Variants in TBC1D2 observed in about 807,000 individuals in gnomAD.
TBC1D2 encodes TBC1 domain family member 2.
In TBC1D2, 58 loss-of-function variants were observed where a neutral mutation model predicts 91.1. The observed-to-expected ratio is 0.64, with a 90% CI of 0.52 to 0.79. The LOEUF is 0.79. TBC1D2 is among the 30% of genes least tolerant of loss of function. TBC1D2 has a pLI of 0.00. For missense variants in TBC1D2, 1,080 were observed against 1,208.3 expected (o/e 0.89, Z 1.57); for synonymous variants, 482 against 511.5 (o/e 0.94, Z 0.78).
rs201501022 is a variant in TBC1D2, at chr9:98,203,403, G to A, written c.2156C>T (p.Ala719Val). 51 of 1,614,080 alleles carry A rather than the reference G, an allele frequency of 3.2e-5. No homozygotes were observed. Among genetic ancestry groups the A allele is most frequent in the East Asian group, 8.9e-5 (4 of 44,886 alleles). ...CTCTAGGACCAGCAGGGCAATGGCC[G>A]CCAGCCTGGAGTAGTAGGGAAGGCC... ...IGYCQGLNRL[A>V]AIALLVLEEE... The change falls in exon 10 of 13, where the codon GCG becomes GTG. Residue 719 changes from alanine (A) to valine (V), a missense_variant. By Grantham distance (64) the Ala-to-Val change is moderately conservative (BLOSUM62 0). Transcript: ENST00000465784.
chr9:98,211,210 T>C lies in TBC1D2; in HGVS notation c.1486-367A>G, dbSNP rs191003592. Among the ~76,000 whole-genome samples the C allele has an allele frequency of 1.2e-4, 19 of 152,312 alleles. No homozygotes were observed. In the East Asian group the frequency reaches 3.3e-3, roughly 26 times the overall value. ...AACTTCTTCATCTGTAAAATGAGGA[T>C]CATACAGAGTCTGCCTGAGGATTTG... On this transcript the variant is annotated intron_variant, in intron 7 of 12. Transcript: ENST00000465784.
In TBC1D2 at chr9:98,255,062, G is replaced by C; in HGVS notation, c.369+111C>G. On this transcript the variant is annotated intron_variant, in intron 1 of 12. Transcript: ENST00000465784. ...AAAGCACAAAGTTCTTGGAACTGTCGTCACCGACACTCCAAATTTACTGTG... is the reference window on the plus strand; with the variant it reads ...AAAGCACAAAGTTCTTGGAACTGTCCTCACCGACACTCCAAATTTACTGTG... 10 of 1,478,530 alleles carry C rather than the reference G, an allele frequency of 6.8e-6. No homozygotes were observed. The South Asian group carries it at 1.4e-4, about 21-fold the overall frequency. 91.6% of individuals were successfully genotyped at this position (1,478,530 alleles called of 1,614,324 possible).
intron 12 of TBC1D2, 88 bp from the exon 13 acceptor site, chr9:98,199,676 C>T: frequency 7.0e-7 from 1 of 1,425,808 alleles, no homozygotes. Context: ...CCCCGCATTC[C>T]TTCTGCCTTT....
chr9:98,238,680 C>T (rs1445810963), intron 3 of TBC1D2, among the ~76,000 whole-genome samples: 1 of 137,014 alleles, frequency 7.3e-6, no homozygotes, highest in East Asian at 1.9e-4. Flanking sequence ...GTTAGCTTTG[C>T]ATTTTTCATT....
At position 98,220,179 on chromosome 9, in the gene TBC1D2, C is replaced by T. The variant is rs192789287; in HGVS notation, c.1374+654G>A. 2.1e-3 allele frequency among the ~76,000 whole-genome samples: 327 copies of T among 152,312 alleles called. 1 individual carries two copies. The highest frequency in any genetic ancestry group is 3.4e-3 in the Non-Finnish European group (233 of 68,028). ...ACCGCAGACATGAGCTCCAGCCCAG[C>T]TCCAGCTCCTCCACTTCTTCAGCAC... On this transcript the variant is annotated intron_variant, in intron 6 of 12. Transcript: ENST00000465784.
intron 2 of TBC1D2, among the ~76,000 whole-genome samples, chr9:98,248,480 A>T (rs1385465909): frequency 1.3e-5 from 2 of 152,234 alleles, no homozygotes; most frequent in African/African-American, 4.8e-5. Context: ...AGACAAAAAA[A>T]GGGCCTGACC....
intron 9 of TBC1D2, among the ~76,000 whole-genome samples, chr9:98,204,018 T>C (rs570595701): frequency 6.6e-6 from 1 of 152,220 alleles, no homozygotes; most frequent in South Asian, 2.1e-4. Context: ...TAGCTTTTTT[T>C]CTCCTTTACT....
At chr9:98,227,221 C>T (rs747000734) in intron 5 of TBC1D2, among the ~76,000 whole-genome samples, 1 of 152,170 alleles carries the variant, frequency 6.6e-6, no homozygotes, top group African/African-American at 2.4e-5. Flanking sequence ...GGGGACCTCA[C>T]GTGTTATAAC....
At chr9:98,230,608 G>A (rs1212125686) in intron 4 of TBC1D2, among the ~76,000 whole-genome samples, 1 of 152,154 alleles carries the variant, frequency 6.6e-6, no homozygotes, top group Non-Finnish European at 1.5e-5. Flanking sequence ...ACTCCAGTAG[G>A]TGACAGGAAC....
intron 1 of TBC1D2, among the ~76,000 whole-genome samples, chr9:98,254,715 G>A (rs1294639876): frequency 6.6e-6 from 1 of 152,174 alleles, no homozygotes. Flanking sequence ...AGCATTCACT[G>A]ACCTTGGCCA....
At chr9:98,215,337 C>A (rs1828944723) in intron 6 of TBC1D2, among the ~76,000 whole-genome samples, 1 of 152,176 alleles carries the variant, frequency 6.6e-6, no homozygotes, top group South Asian at 2.1e-4. Context: ...CCGGCATCAC[C>A]CCCATCACCA....
chr9:98,201,773 T>C (rs1322466751), intron 10 of TBC1D2, 109 bp from the exon 11 acceptor site: 11 of 1,179,262 alleles, frequency 9.3e-6, no homozygotes, highest in Non-Finnish European at 1.2e-5. Flanking sequence ...GAAGCTGCTC[T>C]GGGCAGGTCC....
At chr9:98,230,497 TC>T (rs1829340891) in intron 4 of TBC1D2, among the ~76,000 whole-genome samples, 1 of 152,206 alleles carries the variant, frequency 6.6e-6, no homozygotes, top group Admixed American at 6.5e-5. Context: ...TGGTATGGCA[TC>T]CCAGGATAGG....
chr9:98,233,640 TCATCCCC>T, intron 3 of TBC1D2, 91 bp from the exon 4 acceptor site: 3 of 1,549,946 alleles, frequency 1.9e-6, no homozygotes, highest in East Asian at 4.5e-5. Flanking sequence ...AGCTCAGGTC[TCATCCCC>T]ACACCCTGTC....
intron 3 of TBC1D2, among the ~76,000 whole-genome samples, chr9:98,243,534 A>ATTTT (rs368728395): frequency 4.8e-5 from 6 of 125,328 alleles, no homozygotes; most frequent in Admixed American, 8.1e-5. Flanking sequence ...CAATGAATGT[A>ATTTT]TTTTTTTTTT....
intron 1 of TBC1D2, among the ~76,000 whole-genome samples, chr9:98,253,760 C>A (rs569962415): frequency 2.4e-4 from 36 of 152,172 alleles, no homozygotes; most frequent in Non-Finnish European, 5.0e-4. Flanking sequence ...ACTGACTCCT[C>A]CTGTCACCAC....
chr9:98,225,875 A>G (rs1445673504), intron 5 of TBC1D2, among the ~76,000 whole-genome samples: 1 of 152,250 alleles, frequency 6.6e-6, no homozygotes, highest in East Asian at 1.9e-4. Context: ...AAGAGTCACG[A>G]AAGCCACTGG....
intron 6 of TBC1D2, among the ~76,000 whole-genome samples, chr9:98,220,262 G>A (rs2119077600): frequency 6.6e-6 from 1 of 152,278 alleles, no homozygotes; most frequent in Non-Finnish European, 1.5e-5. Context: ...ATCTGTAAAG[G>A]GGGAGCACAC....
rs1828723039 is a variant in TBC1D2 at position 98,208,688 on chromosome 9, G to C, written c.2130C>G (p.Gly710=). The C allele has an allele frequency of 3.9e-6, 6 of 1,531,124 alleles. No homozygotes were observed. The South Asian group carries it at 7.6e-5, about 19-fold the overall frequency. 94.8% of individuals were successfully genotyped at this position (1,531,124 alleles called of 1,614,324 possible). ...LAFSWQNPTI[G]YCQGLNRLAA... Reference sequence around the variant, plus strand: ...CTTACCTGTTCAGGCCCTGGCAGTAGCCGATGGTGGGGTTCTGCCAGGAGA... The same window carrying C: ...CTTACCTGTTCAGGCCCTGGCAGTACCCGATGGTGGGGTTCTGCCAGGAGA... The change falls in exon 9 of 13, where the codon GGC becomes GGG. Residue 710 remains glycine, a synonymous_variant. Transcript: ENST00000465784.
Sources: allele counts gnomAD v4.1 joint callset (sites outside exome capture counted in the v4.1 genomes callset), GRCh38; gene constraint gnomAD v4.1.1; transcripts MANE v1.5; gene names NCBI Gene and HGNC (gene_info 2026-07-23, HGNC 2026-07-21).